The following STXBP5L variants were observed in gnomAD, a reference collection of about 807,000 sequenced individuals.
STXBP5L encodes the protein syntaxin binding protein 5L.
A neutral mutation model predicts 144.5 loss-of-function variants in STXBP5L; 65 were observed. The observed-to-expected ratio is 0.45, with a 90% CI of 0.37 to 0.55. The LOEUF is 0.55. Among genes scored for constraint, STXBP5L ranks in the 20% least tolerant of loss-of-function variants. The probability of loss-of-function intolerance (pLI) is 0.00; values close to 1 mark genes in which losing one functional copy is unlikely to be tolerated. For missense variants in STXBP5L, 1,298 were observed against 1,405.5 expected (o/e 0.92, Z 1.22); for synonymous variants, 505 against 469.6 (o/e 1.08, Z -0.97).
chr3:121,042,183 C>T (rs766205094), intron 4 of STXBP5L, among the ~76,000 whole-genome samples: 1 of 151,892 alleles, frequency 6.6e-6, no homozygotes, highest in Non-Finnish European at 1.5e-5. Context: ...TGCTTATATA[C>T]GTATGGGCCC....
At chr3:121,017,143 TTAATG>T (rs1032211600) in intron 3 of STXBP5L, among the ~76,000 whole-genome samples, 1 of 152,152 alleles carries the variant, frequency 6.6e-6, no homozygotes, top group African/African-American at 2.4e-5. Context: ...ATTAAAAAAA[TTAATG>T]TAAACCATCA....
intron 9 of STXBP5L, among the ~76,000 whole-genome samples, chr3:121,183,678 G>C (rs2047253658): frequency 6.6e-6 from 1 of 151,346 alleles, no homozygotes; most frequent in Admixed American, 6.6e-5. Context: ...GGGAGGGAGG[G>C]AGGAAGGAAG....
chr3:121,091,824 G>A (rs775888449), intron 5 of STXBP5L, among the ~76,000 whole-genome samples: 3 of 151,904 alleles, frequency 2.0e-5, no homozygotes, highest in Admixed American at 6.6e-5. Context: ...CATTGCTTTT[G>A]GTGTTTTAGA....
chr3:121,143,166 C>T (rs111959477), intron 7 of STXBP5L, among the ~76,000 whole-genome samples: 49 of 151,262 alleles, frequency 3.2e-4, no homozygotes, highest in Non-Finnish European at 4.7e-4. Context: ...CATGAAGAAA[C>T]AGAACGTCTA....
intron 19 of STXBP5L, among the ~76,000 whole-genome samples, chr3:121,290,118 G>C (rs1398483052): frequency 6.6e-6 from 1 of 152,048 alleles, no homozygotes; most frequent in Non-Finnish European, 1.5e-5. Flanking sequence ...CCAAAATGTG[G>C]TTCTTTGAAA....
At chr3:121,270,977 G>A (rs1328917023) in intron 18 of STXBP5L, among the ~76,000 whole-genome samples, 1 of 152,130 alleles carries the variant, frequency 6.6e-6, no homozygotes, top group Non-Finnish European at 1.5e-5. Flanking sequence ...TGCTTGTTAA[G>A]GTGATATCTA....
intron 3 of STXBP5L, among the ~76,000 whole-genome samples, chr3:121,001,952 C>T (rs1353877521): frequency 6.6e-6 from 1 of 152,200 alleles, no homozygotes; most frequent in East Asian, 1.9e-4. Context: ...TTTATCCATT[C>T]ATCCATTGAC....
In STXBP5L at chr3:121,350,578, C is replaced by T. The variant is rs149099419; in HGVS notation, c.2177-28138C>T. Among the ~76,000 whole-genome samples the T allele has an allele frequency of 3.1e-3, 472 of 152,220 alleles. 5 individuals are homozygous for T. Among genetic ancestry groups the T allele is most frequent in the African/African-American group, 0.01 (433 of 41,502 alleles). On this transcript the variant is annotated intron_variant, in intron 20 of 26. Coordinates refer to ENST00000471454, the MANE Select transcript of STXBP5L (RefSeq NM_001308330.2). ...TTTTCCAACTTGGTTCCATTCTCCCCGTCACTTTCAGGTACACCAATCTGA... is the reference window on the plus strand; with the variant it reads ...TTTTCCAACTTGGTTCCATTCTCCCTGTCACTTTCAGGTACACCAATCTGA...
chr3:121,288,019 G>A (rs2051292922), intron 19 of STXBP5L, among the ~76,000 whole-genome samples: 1 of 152,148 alleles, frequency 6.6e-6, no homozygotes, highest in African/African-American at 2.4e-5. Context: ...GTTCTTGTAG[G>A]AACTGACAAA....
At chr3:121,178,410 A>G (rs1233032369) in intron 9 of STXBP5L, among the ~76,000 whole-genome samples, 4 of 152,184 alleles carry the variant, frequency 2.6e-5, no homozygotes, top group African/African-American at 9.7e-5. Flanking sequence ...TACATATGGA[A>G]TATTTTTTAA....
At chr3:121,185,813 G>GT (rs2047357154) in intron 9 of STXBP5L, among the ~76,000 whole-genome samples, 2 of 124,314 alleles carry the variant, frequency 1.6e-5, no homozygotes, top group African/African-American at 3.5e-5. Flanking sequence ...CTTTAAAGTT[G>GT]TTTTTTCCAA....
At chr3:121,119,621 A>G (rs1358999574) in intron 6 of STXBP5L, among the ~76,000 whole-genome samples, 2 of 151,368 alleles carry the variant, frequency 1.3e-5, no homozygotes, top group Non-Finnish European at 3.0e-5. Context: ...TAATTTTCAG[A>G]ATCCAAAGTC....
chr3:121,242,975 A>G (rs1223309906), intron 14 of STXBP5L, among the ~76,000 whole-genome samples: 1 of 152,188 alleles, frequency 6.6e-6, no homozygotes, highest in South Asian at 2.1e-4. Context: ...GAATGGTCAC[A>G]TTGAAATGGG....
intron 2 of STXBP5L, among the ~76,000 whole-genome samples, chr3:120,935,337 A>G (rs747483070): frequency 6.6e-6 from 1 of 151,756 alleles, no homozygotes; most frequent in Non-Finnish European, 1.5e-5. Context: ...CATTTTACTT[A>G]TCCATAGGTT....
At chr3:121,201,256 T>C (rs532742571) in intron 9 of STXBP5L, among the ~76,000 whole-genome samples, 1 of 152,374 alleles carries the variant, frequency 6.6e-6, no homozygotes, top group South Asian at 2.1e-4. Flanking sequence ...TTGATCCCTT[T>C]ACCATTATGT....
intron 5 of STXBP5L, among the ~76,000 whole-genome samples, chr3:121,074,325 G>A (rs569016260): frequency 2.6e-5 from 4 of 152,332 alleles, no homozygotes; most frequent in African/African-American, 9.6e-5. Flanking sequence ...GGCATATAAT[G>A]TAGCTGCAAC....
chr3:121,342,024 T>C (rs565006195), intron 20 of STXBP5L, among the ~76,000 whole-genome samples: 1 of 152,128 alleles, frequency 6.6e-6, no homozygotes, highest in African/African-American at 2.4e-5. Context: ...GAAGGGTAAT[T>C]GCTTGATGTG....
chr3:121,348,357 G>A (rs995101982), intron 20 of STXBP5L, among the ~76,000 whole-genome samples: 5 of 152,126 alleles, frequency 3.3e-5, no homozygotes, highest in Non-Finnish European at 7.3e-5. Context: ...GATTCGGTTT[G>A]CCAGTATTTT....
chr3:121,346,539 A>C (rs962466626), intron 20 of STXBP5L, among the ~76,000 whole-genome samples: 4 of 152,134 alleles, frequency 2.6e-5, no homozygotes, highest in Non-Finnish European at 5.9e-5. Flanking sequence ...TGTCTTCCAC[A>C]ATGGTTGAAC....
Sources: allele counts gnomAD v4.1 joint callset (sites outside exome capture counted in the v4.1 genomes callset), GRCh38; gene constraint gnomAD v4.1.1; transcripts MANE v1.5; gene names NCBI Gene and HGNC (gene_info 2026-07-23, HGNC 2026-07-21).